The following CDH13 variants were observed in gnomAD, a reference collection of about 807,000 sequenced individuals.
CDH13 encodes the protein cadherin-13.
CDH13 carries 24 observed loss-of-function variants against 63.8 expected under a neutral mutation model. That is an observed-to-expected ratio of 0.38 (90% CI 0.27 to 0.53). The LOEUF is 0.53. CDH13 is among the 20% of genes least tolerant of loss of function. The pLI is 0.85. For synonymous variants in CDH13, 503 were observed against 355.3 expected (o/e 1.42, Z -4.67); for missense variants, 1,049 against 903.1 (o/e 1.16, Z -2.07).
At chr16:83,020,204 G>C (rs1003049076) in intron 2 of CDH13, among the ~76,000 whole-genome samples, 2 of 152,178 alleles carry the variant, frequency 1.3e-5, no homozygotes, top group Admixed American at 6.5e-5. Context: ...GTTCTGGCTT[G>C]TAGCCCCACA....
chr16:82,814,981 G>C (rs2037633916), intron 1 of CDH13, among the ~76,000 whole-genome samples: 1 of 152,196 alleles, frequency 6.6e-6, no homozygotes, highest in Admixed American at 6.5e-5. Flanking sequence ...AAACTGTTGA[G>C]TGGTGTGTGA....
At chr16:82,831,545 C>G (rs2038540917) in intron 1 of CDH13, among the ~76,000 whole-genome samples, 1 of 152,046 alleles carries the variant, frequency 6.6e-6, no homozygotes, top group Non-Finnish European at 1.5e-5. Flanking sequence ...CAAAGATTTC[C>G]TGACAATAAA....
At chr16:83,572,691 A>T (rs1032387377) in intron 7 of CDH13, among the ~76,000 whole-genome samples, 1 of 152,234 alleles carries the variant, frequency 6.6e-6, no homozygotes, top group Non-Finnish European at 1.5e-5. Context: ...AGGAAAAGCT[A>T]TTGAACATGT....
intron 2 of CDH13, among the ~76,000 whole-genome samples, chr16:82,959,973 T>TA (rs1555548913): frequency 2.0e-5 from 3 of 152,124 alleles, no homozygotes; most frequent in Non-Finnish European, 2.9e-5. Context: ...TTTTATTTTT[T>TA]AAAAAAACAT....
At chr16:82,786,953 G>C (rs550149244) in intron 1 of CDH13, among the ~76,000 whole-genome samples, 6 of 152,226 alleles carry the variant, frequency 3.9e-5, no homozygotes, top group African/African-American at 1.2e-4. Context: ...TCCTCTACTT[G>C]TGCATGGCTT....
intron 5 of CDH13, among the ~76,000 whole-genome samples, chr16:83,275,383 C>A (rs2088955450): frequency 1.3e-5 from 2 of 152,166 alleles, no homozygotes; most frequent in South Asian, 4.1e-4. Flanking sequence ...ATTTTGGCTG[C>A]TAATTTCCTG....
rs960598352 is a variant in CDH13 at position 83,061,892 on chromosome 16, A to G, written c.366+29674A>G. Among the ~76,000 whole-genome samples, 3 of 152,184 alleles carry G rather than the reference A, an allele frequency of 2.0e-5. 1 individual carries two copies. The highest frequency in any genetic ancestry group is 3.9e-4 in the East Asian group (2 of 5,192). On this transcript the variant is annotated intron_variant, in intron 3 of 13. Transcript: ENST00000567109. ...CTAATGTCAGCCCTGAGATGTCACA[A>G]TAGTCCAGGAGATGCTTACCTGAAG...
At chr16:82,707,880 G>C (rs2031616223) in intron 1 of CDH13, among the ~76,000 whole-genome samples, 1 of 152,164 alleles carries the variant, frequency 6.6e-6, no homozygotes, top group South Asian at 2.1e-4. Flanking sequence ...ATATGTGTCG[G>C]TTAGGGAAAG....
intron 2 of CDH13, among the ~76,000 whole-genome samples, chr16:82,931,118 A>G (rs1426937940): frequency 6.6e-6 from 1 of 152,218 alleles, no homozygotes; most frequent in Non-Finnish European, 1.5e-5. Flanking sequence ...TGCTGTGATT[A>G]GGTAATTACA....
chr16:82,894,131 A>C (rs1285959753), intron 2 of CDH13, among the ~76,000 whole-genome samples: 1 of 152,156 alleles, frequency 6.6e-6, no homozygotes, highest in African/African-American at 2.4e-5. Context: ...TCATTCAATG[A>C]TGAGTACATA....
At chr16:83,459,911 G>C (rs2151522448) in intron 6 of CDH13, among the ~76,000 whole-genome samples, 1 of 152,290 alleles carries the variant, frequency 6.6e-6, no homozygotes, top group East Asian at 1.9e-4. Context: ...ATAGATTTCA[G>C]TCTGATATGC....
chr16:83,350,251 C>G (rs971087054), intron 6 of CDH13, among the ~76,000 whole-genome samples: 1 of 152,156 alleles, frequency 6.6e-6, no homozygotes, highest in Non-Finnish European at 1.5e-5. Flanking sequence ...AAATGGCAGC[C>G]AGGGCAGCTG....
intron 13 of CDH13, 116 bp downstream of exon 13, chr16:83,783,588 T>C (rs1318145543): frequency 2.4e-6 from 2 of 820,658 alleles, no homozygotes; most frequent in South Asian, 1.4e-5. Flanking sequence ...GAAGAATCAT[T>C]CATCTTTAGT....
chr16:83,790,375 G>T (rs569329852), intron 13 of CDH13, among the ~76,000 whole-genome samples: 12 of 152,146 alleles, frequency 7.9e-5, no homozygotes, highest in South Asian at 2.1e-4. Context: ...AAAATGAAAT[G>T]ATTTTTACTG....
At chr16:83,275,596 G>T (rs1234955024) in intron 5 of CDH13, among the ~76,000 whole-genome samples, 1 of 152,024 alleles carries the variant, frequency 6.6e-6, no homozygotes, top group African/African-American at 2.4e-5. Context: ...AGGGGCTTAA[G>T]GAGGGGGCAC....
chr16:83,202,278 GA>G (rs1309522020), intron 4 of CDH13, among the ~76,000 whole-genome samples: 1 of 152,178 alleles, frequency 6.6e-6, no homozygotes, highest in African/African-American at 2.4e-5. Flanking sequence ...CGCTTTTGGG[GA>G]AAACGGCTGC....
intron 3 of CDH13, among the ~76,000 whole-genome samples, chr16:83,086,962 C>G (rs1232606466): frequency 1.3e-5 from 2 of 152,096 alleles, no homozygotes; most frequent in Non-Finnish European, 2.9e-5. Context: ...GACTAGAAAT[C>G]AATGCAAATA....
chr16:83,604,076 A>C (rs1386995064), intron 8 of CDH13, among the ~76,000 whole-genome samples: 2 of 152,050 alleles, frequency 1.3e-5, no homozygotes, highest in Non-Finnish European at 2.9e-5. Context: ...CAACTACAAC[A>C]CTGGGAATTA....
chr16:83,631,233 T>C (rs543554633), intron 8 of CDH13, among the ~76,000 whole-genome samples: 79 of 152,298 alleles, frequency 5.2e-4, no homozygotes, highest in Non-Finnish European at 4.0e-4. Flanking sequence ...ATTCTATTTA[T>C]GAGATGCTGC....
Sources: allele counts gnomAD v4.1 joint callset (sites outside exome capture counted in the v4.1 genomes callset), GRCh38; gene constraint gnomAD v4.1.1; transcripts MANE v1.5; gene names NCBI Gene and HGNC (gene_info 2026-07-23, HGNC 2026-07-21).